The following FBXL17 variants were observed in gnomAD, a reference collection of about 807,000 sequenced individuals.
FBXL17 encodes F-box/LRR-repeat protein 17.
Under a neutral mutation model 66.2 loss-of-function variants are expected in FBXL17, and 22 were observed. That is an observed-to-expected ratio of 0.33 (90% CI 0.24 to 0.47). The LOEUF (loss-of-function observed/expected upper bound fraction) is 0.47, where lower values mean the gene tolerates loss of function less well. Ranked by LOEUF, FBXL17 falls within the 20% of genes least tolerant of loss-of-function variation. The pLI is 1.00. For synonymous variants in FBXL17, 474 were observed against 400.5 expected, an observed-to-expected ratio of 1.18 and a Z score of -2.19; for missense variants, 878 against 948.2, an observed-to-expected ratio of 0.93 and a Z score of 0.97.
chr5:108,223,968 T>A (rs1433485025), intron 5 of FBXL17, among the ~76,000 whole-genome samples, 153 bp downstream of exon 5: 1 of 152,176 alleles, frequency 6.6e-6, no homozygotes, highest in Non-Finnish European at 1.5e-5. Context: ...ATAAGTTTGG[T>A]ATTGCTTTCT....
intron 4 of FBXL17, among the ~76,000 whole-genome samples, chr5:108,235,583 A>T (rs1324238699): frequency 6.6e-6 from 1 of 152,238 alleles, no homozygotes; most frequent in Non-Finnish European, 1.5e-5. Context: ...AGAAGCACAA[A>T]TCATCAGATC....
At chr5:107,879,805 A>C in intron 8 of FBXL17, 2 of 985,426 alleles carry the variant, frequency 2.0e-6, no homozygotes, top group Non-Finnish European at 2.4e-6. Context: ...TTTCTGAGCA[A>C]GTATCTGAAC....
intron 6 of FBXL17, among the ~76,000 whole-genome samples, chr5:108,023,948 A>C (rs1157736356): frequency 1.3e-5 from 2 of 152,330 alleles, no homozygotes; most frequent in East Asian, 3.9e-4. Context: ...TTTCTTACAG[A>C]TACTACATAG....
chr5:108,208,075 G>A (rs529348271), intron 5 of FBXL17, among the ~76,000 whole-genome samples: 1 of 152,306 alleles, frequency 6.6e-6, no homozygotes, highest in Admixed American at 6.5e-5. Context: ...CAGTGATGAT[G>A]AGCATTTTTT....
intron 6 of FBXL17, among the ~76,000 whole-genome samples, chr5:108,088,219 A>G (rs1749045267): frequency 6.6e-6 from 1 of 152,174 alleles, no homozygotes; most frequent in Admixed American, 6.5e-5. Flanking sequence ...TAAAGGTATA[A>G]AGAACTTTGA....
At chr5:107,927,303 G>C (rs866878694) in intron 7 of FBXL17, among the ~76,000 whole-genome samples, 13 of 152,228 alleles carry the variant, frequency 8.5e-5, no homozygotes, top group Middle Eastern at 6.8e-3. Context: ...TCAGGGCCAT[G>C]TTGCATGCAA....
chr5:107,891,970 C>T (rs1006836976), intron 7 of FBXL17, among the ~76,000 whole-genome samples: 16 of 152,072 alleles, frequency 1.1e-4, no homozygotes, highest in African/African-American at 3.6e-4. Flanking sequence ...ATTTAATATA[C>T]CCAACCTACA....
At chr5:108,188,155 GCA>G (rs1390204795) in intron 5 of FBXL17, among the ~76,000 whole-genome samples, 1 of 152,036 alleles carries the variant, frequency 6.6e-6, no homozygotes, top group Non-Finnish European at 1.5e-5. Context: ...AAATTGCCAG[GCA>G]GTACTCACAC....
At chr5:108,239,290 A>G (rs1755747300) in intron 4 of FBXL17, among the ~76,000 whole-genome samples, 2 of 152,206 alleles carry the variant, frequency 1.3e-5, no homozygotes, top group South Asian at 4.1e-4. Context: ...CATATCATCG[A>G]AAGAGGCACT....
At chr5:107,941,345 T>C (rs939329172) in intron 7 of FBXL17, among the ~76,000 whole-genome samples, 7 of 152,160 alleles carry the variant, frequency 4.6e-5, no homozygotes, top group African/African-American at 1.7e-4. Flanking sequence ...TAAAAGTCAC[T>C]TGAATCATTG....
chr5:107,913,857 T>C (rs1750037463), intron 7 of FBXL17, among the ~76,000 whole-genome samples: 1 of 152,214 alleles, frequency 6.6e-6, no homozygotes, highest in Admixed American at 6.6e-5. Flanking sequence ...ATTTTAGAGC[T>C]GTGAAAAACA....
chr5:108,368,911 G>T (rs773025785), intron 1 of FBXL17, among the ~76,000 whole-genome samples: 25 of 67,322 alleles, frequency 3.7e-4, no homozygotes, highest in Admixed American at 8.5e-4. Context: ...TAGCTACAAG[G>T]ATTTAAAAAA....
At chr5:108,275,141 T>A (rs1472386246) in intron 4 of FBXL17, among the ~76,000 whole-genome samples, 20 of 152,222 alleles carry the variant, frequency 1.3e-4, no homozygotes, top group Admixed American at 1.3e-3. Context: ...AGATTACTTA[T>A]AATGAATGCT....
intron 7 of FBXL17, among the ~76,000 whole-genome samples, chr5:107,891,784 A>G (rs1749205334): frequency 6.6e-6 from 1 of 152,182 alleles, no homozygotes; most frequent in Admixed American, 6.5e-5. Flanking sequence ...TACTGCATAT[A>G]AACTCCACTG....
At chr5:108,363,730 C>T (rs1748488393) in intron 3 of FBXL17, among the ~76,000 whole-genome samples, 1 of 151,926 alleles carries the variant, frequency 6.6e-6, no homozygotes, top group African/African-American at 2.4e-5. Flanking sequence ...TAAACTACTA[C>T]CTATTTGTGT....
Position 107,980,664 on chromosome 5 carries a change from A to ATATATTTT in FBXL17, c.1822+40260_1822+40261insAAAATATA. ...TAAAATAATATATATATATATATAT[A>ATATATTTT]TTTTTTTTTTGAGATGGAGTCTTGC... is the stretch of plus-strand genomic sequence containing the variant. On this transcript the variant is annotated intron_variant, in intron 7 of 8. Coordinates refer to ENST00000542267, the MANE Select transcript of FBXL17 (RefSeq NM_001163315.3). Among the ~76,000 whole-genome samples, 18 of 62,078 alleles carry ATATATTTT rather than the reference A, an allele frequency of 2.9e-4. 1 individual carries two copies. In the East Asian group the frequency reaches 0.012, roughly 40 times the overall value. 40.7% of individuals were successfully genotyped at this position (62,078 alleles called of 152,430 possible).
chr5:108,059,779 A>G (rs1321393345), intron 6 of FBXL17, among the ~76,000 whole-genome samples: 4 of 152,114 alleles, frequency 2.6e-5, no homozygotes, highest in Admixed American at 2.0e-4. Flanking sequence ...TACACGTACA[A>G]TTTTACAACT....
At chr5:108,340,940 T>C (rs1580849645) in intron 4 of FBXL17, among the ~76,000 whole-genome samples, 2 of 152,158 alleles carry the variant, frequency 1.3e-5, no homozygotes, top group Non-Finnish European at 2.9e-5. Context: ...TAGAGAGTGA[T>C]TTGACATGAT....
chr5:108,191,677 T>C (rs568980839), intron 5 of FBXL17, among the ~76,000 whole-genome samples: 2 of 152,330 alleles, frequency 1.3e-5, no homozygotes, highest in East Asian at 1.9e-4. Context: ...TATTTGACTC[T>C]TGAACTTTTA....
Sources: allele counts gnomAD v4.1 joint callset (sites outside exome capture counted in the v4.1 genomes callset), GRCh38; gene constraint gnomAD v4.1.1; transcripts MANE v1.5; gene names NCBI Gene and HGNC (gene_info 2026-07-23, HGNC 2026-07-21).